CDH13: variants seen among roughly 807,000 people sequenced by gnomAD.
CDH13 encodes the protein cadherin-13.
Under a neutral mutation model 63.8 loss-of-function variants are expected in CDH13, and 24 were observed. The observed-to-expected ratio is 0.38, with a 90% confidence interval of 0.27 to 0.53. The LOEUF (loss-of-function observed/expected upper bound fraction) is 0.53, where lower values mean the gene tolerates loss of function less well. CDH13 is among the 20% of genes least tolerant of loss of function. The pLI is 0.85. For missense variants in CDH13, 1,049 were observed against 903.1 expected (o/e 1.16, Z -2.07); for synonymous variants, 503 against 355.3 (o/e 1.42, Z -4.67).
chr16:83,504,375 G>A (rs1295534506), intron 7 of CDH13, among the ~76,000 whole-genome samples: 1 of 152,152 alleles, frequency 6.6e-6, no homozygotes, highest in Non-Finnish European at 1.5e-5. Flanking sequence ...CATTTTGGAG[G>A]TATTTCTTCA....
intron 5 of CDH13, among the ~76,000 whole-genome samples, chr16:83,311,086 C>G (rs1567582767): frequency 3.9e-5 from 6 of 152,200 alleles, no homozygotes; most frequent in Non-Finnish European, 1.5e-5. Flanking sequence ...CTCTCCTGCT[C>G]CTCTGACGTC....
At chr16:83,633,699 C>G (rs1013525203) in intron 8 of CDH13, among the ~76,000 whole-genome samples, 2 of 152,146 alleles carry the variant, frequency 1.3e-5, no homozygotes, top group East Asian at 3.9e-4. Context: ...TTCCGTAGCA[C>G]TTTCTCTCGT....
At position 83,128,200 on chromosome 16, in the gene CDH13, A is replaced by G. The variant is rs112464951; in HGVS notation, c.483+2699A>G. On this transcript the variant is annotated intron_variant, in intron 4 of 13. Coordinates refer to ENST00000567109, the MANE Select transcript of CDH13 (RefSeq NM_001257.5). ...TTCCACTGGGGTGGGGGTGAGGACC[A>G]TGCATCAATATATGTTAAAATATCC... is the stretch of plus-strand genomic sequence containing the variant. Among the ~76,000 whole-genome samples the G allele has an allele frequency of 7.9e-5, 12 of 152,334 alleles. 1 individual carries two copies. Among genetic ancestry groups the G allele is most frequent in the African/African-American group, 2.9e-4 (12 of 41,576 alleles).
chr16:83,142,748 T>C (rs962650092), intron 4 of CDH13, among the ~76,000 whole-genome samples: 21 of 151,562 alleles, frequency 1.4e-4, no homozygotes, highest in African/African-American at 4.9e-4. Flanking sequence ...TCAATAAATA[T>C]TTTTTGACTG....
At chr16:83,636,169 A>T (rs1911248987) in intron 8 of CDH13, among the ~76,000 whole-genome samples, 1 of 151,864 alleles carries the variant, frequency 6.6e-6, no homozygotes, top group African/African-American at 2.4e-5. Flanking sequence ...GTTCTGTCCC[A>T]TTGATCTATG....
chr16:83,538,894 T>C lies in CDH13; in HGVS notation c.960+52239T>C, dbSNP rs546620981. Among the ~76,000 whole-genome samples, 3 of 152,218 alleles carry C rather than the reference T, an allele frequency of 2.0e-5. No homozygotes were observed. The South Asian group carries it at 6.2e-4, about 31-fold the overall frequency. ...TTGTAAAAAAATATATGTTAGATAA[T>C]GCTTAGTCATCCTTCGCAAATATCA... On this transcript the variant is annotated intron_variant, in intron 7 of 13. Coordinates refer to ENST00000567109, the MANE Select transcript of CDH13 (RefSeq NM_001257.5).
chr16:83,492,746 G>A (rs917036869), intron 7 of CDH13, among the ~76,000 whole-genome samples: 3 of 152,172 alleles, frequency 2.0e-5, no homozygotes, highest in African/African-American at 7.2e-5. Context: ...AATGGGGATT[G>A]GTGGGAGGGT....
chr16:83,626,423 G>A (rs1359587862), intron 8 of CDH13, among the ~76,000 whole-genome samples: 3 of 152,158 alleles, frequency 2.0e-5, no homozygotes, highest in African/African-American at 7.2e-5. Context: ...TGGCGCTCAG[G>A]TCATTCTGCA....
rs200824409 is a variant in CDH13 at position 82,865,894 on chromosome 16, A to G, written c.157+7421A>G. Among the ~76,000 whole-genome samples the G allele has an allele frequency of 6.0e-4, 92 of 152,296 alleles. 1 individual carries two copies. In the Middle Eastern group the frequency reaches 0.014, roughly 23 times the overall value. ...CTTTTAAATAAAAATTCCAGTTTCA[A>G]ATCTTCTCTTTGTGAATACGTAAAG... is the stretch of plus-strand genomic sequence containing the variant. On this transcript the variant is annotated intron_variant, in intron 2 of 13. Coordinates refer to ENST00000567109, the MANE Select transcript of CDH13 (RefSeq NM_001257.5).
intron 1 of CDH13, among the ~76,000 whole-genome samples, chr16:82,841,317 C>G (rs958890038): frequency 6.6e-6 from 1 of 152,184 alleles, no homozygotes; most frequent in African/African-American, 2.4e-5. Flanking sequence ...CTTGCTTGCC[C>G]TTGGAACAAA....
intron 1 of CDH13, among the ~76,000 whole-genome samples, chr16:82,783,541 G>A (rs907681979): frequency 6.6e-6 from 1 of 152,212 alleles, no homozygotes; most frequent in African/African-American, 2.4e-5. Context: ...CAGCCCTGAG[G>A]ATGTAGAGAA....
intron 1 of CDH13, among the ~76,000 whole-genome samples, chr16:82,693,010 C>A (rs1006172968): frequency 1.3e-5 from 2 of 152,170 alleles, no homozygotes; most frequent in African/African-American, 2.4e-5. Flanking sequence ...CTCTCTCTTG[C>A]TGGCTTTGAT....
At chr16:83,536,455 G>C (rs2075190821) in intron 7 of CDH13, among the ~76,000 whole-genome samples, 1 of 152,058 alleles carries the variant, frequency 6.6e-6, no homozygotes, top group Admixed American at 6.6e-5. Flanking sequence ...AACATCACAG[G>C]GAGAGAGAAA....
intron 5 of CDH13, among the ~76,000 whole-genome samples, chr16:83,263,461 C>T (rs1421424206): frequency 6.6e-6 from 1 of 152,172 alleles, no homozygotes; most frequent in Non-Finnish European, 1.5e-5. Context: ...GATCTACCAA[C>T]CACATCACAG....
intron 1 of CDH13, among the ~76,000 whole-genome samples, chr16:82,663,256 G>C (rs183605639): frequency 7.9e-5 from 12 of 152,124 alleles, no homozygotes; most frequent in Non-Finnish European, 1.8e-4. Context: ...GCGCGATCTC[G>C]GCTCACCGCA....
intron 2 of CDH13, among the ~76,000 whole-genome samples, chr16:82,958,653 C>A (rs927582378): frequency 6.6e-6 from 1 of 152,200 alleles, no homozygotes; most frequent in Non-Finnish European, 1.5e-5. Context: ...AGGTCTGAAG[C>A]TCTGTAGAGA....
At chr16:83,112,609 C>A (rs1229392294) in intron 3 of CDH13, among the ~76,000 whole-genome samples, 1 of 151,910 alleles carries the variant, frequency 6.6e-6, no homozygotes, top group Admixed American at 6.6e-5. Context: ...GTTAGTTTCC[C>A]CATAATATTA....
intron 7 of CDH13, among the ~76,000 whole-genome samples, chr16:83,579,004 T>C (rs1002716285): frequency 6.6e-6 from 1 of 152,254 alleles, no homozygotes; most frequent in African/African-American, 2.4e-5. Context: ...ATGAAAAGCA[T>C]TTTGCACATT....
At chr16:83,229,670 C>T (rs2151801366) in intron 5 of CDH13, among the ~76,000 whole-genome samples, 1 of 152,222 alleles carries the variant, frequency 6.6e-6, no homozygotes, top group Non-Finnish European at 1.5e-5. Flanking sequence ...GAGATCATTT[C>T]CGTATTTTTC....
Sources: allele counts gnomAD v4.1 joint callset (sites outside exome capture counted in the v4.1 genomes callset), GRCh38; gene constraint gnomAD v4.1.1; transcripts MANE v1.5; gene names NCBI Gene and HGNC (gene_info 2026-07-23, HGNC 2026-07-21).